The following SETD7 variants were observed in gnomAD, a reference collection of about 807,000 sequenced individuals.
SETD7 encodes the protein histone-lysine N-methyltransferase SETD7.
SETD7 carries 16 observed loss-of-function variants against 41.8 expected under a neutral mutation model. That is an observed-to-expected ratio of 0.38 (90% CI 0.26 to 0.58). The LOEUF (loss-of-function observed/expected upper bound fraction) is 0.58, where lower values mean the gene tolerates loss of function less well. Among genes scored for constraint, SETD7 ranks in the 20% least tolerant of loss-of-function variants. The probability of loss-of-function intolerance (pLI) is 0.64; values close to 1 mark genes in which losing one functional copy is unlikely to be tolerated. For synonymous variants in SETD7, 163 were observed against 169.7 expected, an observed-to-expected ratio of 0.96 and a Z score of 0.31; for missense variants, 346 against 459.7, an observed-to-expected ratio of 0.75 and a Z score of 2.26.
chr4:139,550,315 G>C (rs933992238), intron 1 of SETD7, among the ~76,000 whole-genome samples: 2 of 152,202 alleles, frequency 1.3e-5, no homozygotes, highest in Non-Finnish European at 2.9e-5. Flanking sequence ...TTGGACATGT[G>C]ACCACTCCCT....
At chr4:139,525,726 C>T (rs1727308646) in intron 4 of SETD7, among the ~76,000 whole-genome samples, 2 of 152,148 alleles carry the variant, frequency 1.3e-5, no homozygotes, top group African/African-American at 4.8e-5. Context: ...TCTCCTTCCC[C>T]AACCATTGGA....
At chr4:139,500,355 C>T (rs994726583) in intron 7 of SETD7, among the ~76,000 whole-genome samples, 3 of 152,318 alleles carry the variant, frequency 2.0e-5, no homozygotes, top group Non-Finnish European at 2.9e-5. Context: ...ATTCTCAGTA[C>T]AACAGCCTGA....
At chr4:139,540,745 T>C (rs1727757813) in intron 2 of SETD7, among the ~76,000 whole-genome samples, 1 of 152,216 alleles carries the variant, frequency 6.6e-6, no homozygotes, top group Non-Finnish European at 1.5e-5. Context: ...TTTGTTGGAA[T>C]ACAGATGAAT....
intron 7 of SETD7, among the ~76,000 whole-genome samples, chr4:139,498,444 C>T (rs1210452182): frequency 1.3e-5 from 2 of 152,210 alleles, no homozygotes; most frequent in Non-Finnish European, 2.9e-5. Flanking sequence ...CTGACTGCCT[C>T]TCCATTTCTT....
At chr4:139,521,708 C>T (rs983349365) in intron 5 of SETD7, among the ~76,000 whole-genome samples, 8 of 152,328 alleles carry the variant, frequency 5.3e-5, no homozygotes, top group Non-Finnish European at 7.3e-5. Context: ...GCCATCTGAT[C>T]TGCTTTGCTG....
chr4:139,532,987 C>A (rs776444709), intron 3 of SETD7, 178 bp downstream of exon 3: 6 of 602,926 alleles, frequency 1.0e-5, no homozygotes, highest in African/African-American at 1.9e-5. Context: ...CAAGGGCCAA[C>A]AATCTAAGCC....
chr4:139,521,364 T>G (rs1727177093), intron 5 of SETD7, among the ~76,000 whole-genome samples: 1 of 151,754 alleles, frequency 6.6e-6, no homozygotes, highest in Non-Finnish European at 1.5e-5. Flanking sequence ...CGGTGGAGAT[T>G]GCAGTGAGCT....
In SETD7 at chr4:139,545,633, C is replaced by T. The variant is rs150376881; in HGVS notation, c.170+1287G>A. Among the ~76,000 whole-genome samples, 438 of 152,246 alleles carry T rather than the reference C, an allele frequency of 2.9e-3. 1 individual carries two copies. Among genetic ancestry groups the T allele is most frequent in the African/African-American group, 0.01 (420 of 41,534 alleles). ...AAAGTCATTTAGAAGGTTTTTATTG[C>T]TGTTCTCACCCCTCATTGCATCAGA... On this transcript the variant is annotated intron_variant, in intron 2 of 7. Coordinates refer to ENST00000274031, the MANE Select transcript of SETD7 (RefSeq NM_030648.4).
At chr4:139,548,849 A>G (rs545139173) in intron 1 of SETD7, among the ~76,000 whole-genome samples, 32 of 152,318 alleles carry the variant, frequency 2.1e-4, no homozygotes, top group African/African-American at 6.5e-4. Context: ...GGCCCAGGAA[A>G]TTAATGGTCA....
intron 5 of SETD7, among the ~76,000 whole-genome samples, chr4:139,520,799 G>C (rs2111134657): frequency 1.3e-5 from 2 of 152,328 alleles, no homozygotes; most frequent in Middle Eastern, 6.8e-3. Flanking sequence ...GGGAGGGAAA[G>C]GAGGCTGTTT....
intron 5 of SETD7, among the ~76,000 whole-genome samples, chr4:139,521,977 A>G (rs1429269052): frequency 6.6e-6 from 1 of 152,232 alleles, no homozygotes; most frequent in Non-Finnish European, 1.5e-5. Flanking sequence ...CTATAGAACT[A>G]TGGTGTAAAA....
intron 6 of SETD7, among the ~76,000 whole-genome samples, chr4:139,518,566 T>C (rs1241792322): frequency 6.6e-6 from 1 of 152,176 alleles, no homozygotes; most frequent in African/African-American, 2.4e-5. Context: ...TTTTTCCTTG[T>C]TCTATATGAA....
chr4:139,529,445 T>C (rs761896088), intron 3 of SETD7, among the ~76,000 whole-genome samples: 6 of 152,222 alleles, frequency 3.9e-5, no homozygotes, highest in African/African-American at 1.2e-4. Context: ...ATTTGGGGCA[T>C]GTATGCCTGA....
chr4:139,545,316 G>T (rs1727907209), intron 2 of SETD7, among the ~76,000 whole-genome samples: 1 of 152,056 alleles, frequency 6.6e-6, no homozygotes, highest in South Asian at 2.1e-4. Context: ...GGCAGAGACA[G>T]GGTCTCACTA....
At chr4:139,499,469 A>G (rs1383387430) in intron 7 of SETD7, among the ~76,000 whole-genome samples, 1 of 152,174 alleles carries the variant, frequency 6.6e-6, no homozygotes, top group East Asian at 1.9e-4. Context: ...TAACATTACT[A>G]CTGTGAAACC....
At chr4:139,539,934 T>C (rs1024274616) in intron 2 of SETD7, among the ~76,000 whole-genome samples, 2 of 152,218 alleles carry the variant, frequency 1.3e-5, no homozygotes, top group Admixed American at 6.5e-5. Context: ...GCTGCCCTGA[T>C]CTTGGACTTC....
chr4:139,549,551 CTT>C (rs1345575964), intron 1 of SETD7, among the ~76,000 whole-genome samples: 1 of 151,502 alleles, frequency 6.6e-6, no homozygotes, highest in Non-Finnish European at 1.5e-5. Context: ...TCCCTCCCTC[CTT>C]CTCTCCTTTT....
chr4:139,499,315 G>A (rs1726524008), intron 7 of SETD7, among the ~76,000 whole-genome samples: 1 of 152,196 alleles, frequency 6.6e-6, no homozygotes, highest in Non-Finnish European at 1.5e-5. Context: ...AGGACGCAAG[G>A]TTAGAATTAT....
At chr4:139,522,655 C>T (rs1727208159) in intron 5 of SETD7, among the ~76,000 whole-genome samples, 1 of 151,468 alleles carries the variant, frequency 6.6e-6, no homozygotes, top group Non-Finnish European at 1.5e-5. Context: ...AAATGTTCCC[C>T]TAGAGGGCCA....
Sources: allele counts gnomAD v4.1 joint callset (sites outside exome capture counted in the v4.1 genomes callset), GRCh38; gene constraint gnomAD v4.1.1; transcripts MANE v1.5; gene names NCBI Gene and HGNC (gene_info 2026-07-23, HGNC 2026-07-21).